Variants in RNGTT observed in about 807,000 individuals in gnomAD.
RNGTT encodes mRNA-capping enzyme.
RNGTT carries 33 observed loss-of-function variants against 79.3 expected under a neutral mutation model. The ratio of observed to expected loss-of-function variants is 0.42; its 90% CI spans 0.32 to 0.56. RNGTT has a LOEUF of 0.56. Ranked by LOEUF, RNGTT falls within the 20% of genes least tolerant of loss-of-function variation. The probability of loss-of-function intolerance (pLI) is 0.17; values close to 1 mark genes in which losing one functional copy is unlikely to be tolerated. For missense variants in RNGTT, 497 were observed against 739.1 expected (o/e 0.67, Z 3.80); for synonymous variants, 222 against 235.9 (o/e 0.94, Z 0.54).
intron 2 of RNGTT, among the ~76,000 whole-genome samples, chr6:88,930,178 G>A (rs1009903457): frequency 1.4e-5 from 2 of 146,180 alleles, no homozygotes; most frequent in African/African-American, 5.0e-5. Context: ...ATACATATAT[G>A]TATATACATA....
intron 8 of RNGTT, among the ~76,000 whole-genome samples, chr6:88,857,647 T>C (rs1228805132): frequency 6.6e-6 from 1 of 152,104 alleles, no homozygotes; most frequent in African/African-American, 2.4e-5. Context: ...AAAATATTCA[T>C]TAATATGGAA....
chr6:88,882,734 G>GTTAC (rs1366418672), intron 8 of RNGTT, among the ~76,000 whole-genome samples: 1 of 152,116 alleles, frequency 6.6e-6, no homozygotes, highest in Non-Finnish European at 1.5e-5. Context: ...AGAGCTGGTG[G>GTTAC]TAACTAGCCA....
chr6:88,954,694 T>TCATAC (rs1372760911), intron 1 of RNGTT, among the ~76,000 whole-genome samples: 2 of 151,518 alleles, frequency 1.3e-5, no homozygotes, highest in Non-Finnish European at 2.9e-5. Flanking sequence ...TAGTATCCTC[T>TCATAC]CATACCACAG....
intron 13 of RNGTT, among the ~76,000 whole-genome samples, chr6:88,700,277 C>T (rs1420968826): frequency 2.0e-5 from 3 of 152,114 alleles, no homozygotes; most frequent in African/African-American, 7.2e-5. Context: ...TTCCTTATCT[C>T]TCATATTCAT....
chr6:88,676,152 G>T (rs188121458), intron 14 of RNGTT, among the ~76,000 whole-genome samples: 8 of 152,272 alleles, frequency 5.3e-5, no homozygotes, highest in African/African-American at 1.9e-4. Context: ...TTGACTTCAT[G>T]ATTTGTTATA....
At chr6:88,632,791 A>G (rs1351178304) in intron 14 of RNGTT, among the ~76,000 whole-genome samples, 5 of 152,242 alleles carry the variant, frequency 3.3e-5, no homozygotes, top group African/African-American at 1.2e-4. Context: ...AGTTAATTCT[A>G]GTCTAGTATA....
At chr6:88,799,541 A>T (rs143480508) in intron 12 of RNGTT, among the ~76,000 whole-genome samples, 2 of 152,068 alleles carry the variant, frequency 1.3e-5, no homozygotes, top group South Asian at 2.1e-4. Context: ...TCTACTAAAA[A>T]TACAAAAAAT....
At chr6:88,885,715 C>A (rs569050115) in intron 8 of RNGTT, among the ~76,000 whole-genome samples, 1 of 152,164 alleles carries the variant, frequency 6.6e-6, no homozygotes, top group Non-Finnish European at 1.5e-5. Context: ...GGCAGACATG[C>A]CTTTATCAAT....
chr6:88,960,428 A>T (rs1384699400), intron 1 of RNGTT, among the ~76,000 whole-genome samples: 1 of 152,176 alleles, frequency 6.6e-6, no homozygotes, highest in Non-Finnish European at 1.5e-5. Context: ...ATGTTGAATG[A>T]TATATCTTTA....
At chr6:88,945,918 G>A (rs527899413) in intron 1 of RNGTT, among the ~76,000 whole-genome samples, 14 of 152,304 alleles carry the variant, frequency 9.2e-5, no homozygotes, top group African/African-American at 2.6e-4. Context: ...AGACTCTAGC[G>A]AGTTGCTAAT....
At chr6:88,755,044 G>A (rs549032679) in intron 13 of RNGTT, among the ~76,000 whole-genome samples, 1 of 152,164 alleles carries the variant, frequency 6.6e-6, no homozygotes, top group East Asian at 1.9e-4. Flanking sequence ...ACTGGGTTGG[G>A]GTCTCCATGA....
At chr6:88,671,275 T>C (rs187089155) in intron 14 of RNGTT, among the ~76,000 whole-genome samples, 3 of 152,150 alleles carry the variant, frequency 2.0e-5, no homozygotes, top group Admixed American at 2.0e-4. Context: ...ACAAAACTAA[T>C]GTACACAAAT....
At chr6:88,880,263 GATGCAGGAA>G (rs1782656419) in intron 8 of RNGTT, among the ~76,000 whole-genome samples, 1 of 152,082 alleles carries the variant, frequency 6.6e-6, no homozygotes, top group Non-Finnish European at 1.5e-5. Context: ...CCCAGACCAG[GATGCAGGAA>G]AATAAACCTG....
chr6:88,704,572 A>C (rs978365262), intron 13 of RNGTT, among the ~76,000 whole-genome samples: 3 of 152,152 alleles, frequency 2.0e-5, no homozygotes, highest in Non-Finnish European at 4.4e-5. Context: ...TTAGCATCTT[A>C]ATTTTTTTCC....
intron 13 of RNGTT, among the ~76,000 whole-genome samples, chr6:88,691,737 G>A (rs534433345): frequency 6.6e-6 from 1 of 151,988 alleles, no homozygotes; most frequent in East Asian, 1.9e-4. Flanking sequence ...TCCTACATGG[G>A]TATTGTATTT....
chr6:88,936,470 CTGAAAGCT>C (rs1241772947), intron 2 of RNGTT, among the ~76,000 whole-genome samples: 7 of 152,216 alleles, frequency 4.6e-5, no homozygotes, highest in African/African-American at 1.7e-4. Context: ...AGGGCAAAAG[CTGAAAGCT>C]TTTCCCCAAT....
chr6:88,937,545 T>C (rs1446251904), intron 2 of RNGTT, among the ~76,000 whole-genome samples: 1 of 152,084 alleles, frequency 6.6e-6, no homozygotes, highest in Non-Finnish European at 1.5e-5. Flanking sequence ...TTTTAGTGTC[T>C]ATTTTGTTTA....
At chr6:88,923,267 T>G (rs1343035832) in intron 4 of RNGTT, among the ~76,000 whole-genome samples, 1 of 152,200 alleles carries the variant, frequency 6.6e-6, no homozygotes, top group Non-Finnish European at 1.5e-5. Context: ...TTCCAGGTTG[T>G]TTTTTTGTTA....
chr6:88,919,527 T>C (rs1784099274), intron 4 of RNGTT, among the ~76,000 whole-genome samples: 1 of 151,998 alleles, frequency 6.6e-6, no homozygotes. Flanking sequence ...AGGGTCTCTC[T>C]ATGTTGCCAA....
Sources: gnomAD v4.1 joint callset for allele counts (sites outside exome capture counted in the v4.1 genomes callset) on GRCh38, gnomAD v4.1.1 for gene constraint, MANE v1.5 for transcripts, NCBI Gene and HGNC (gene_info 2026-07-23, HGNC 2026-07-21) for gene names.